SLC5A8: variants seen among roughly 807,000 people sequenced by gnomAD.
The protein encoded by SLC5A8 is sodium-coupled monocarboxylate transporter 1.
In SLC5A8, 55 loss-of-function variants were observed where a neutral mutation model predicts 71.9. That is an observed-to-expected ratio of 0.77 (90% CI 0.62 to 0.96). The LOEUF (loss-of-function observed/expected upper bound fraction) is 0.96, where lower values mean the gene tolerates loss of function less well. Ranked by LOEUF, SLC5A8 falls within the 40% of genes least tolerant of loss-of-function variation. The pLI is 0.00. For synonymous variants in SLC5A8, 307 were observed against 276.1 expected (o/e 1.11, Z -1.11); for missense variants, 701 against 745.3 (o/e 0.94, Z 0.69).
intron 5 of SLC5A8, among the ~76,000 whole-genome samples, chr12:101,192,918 G>A (rs1028419399): frequency 1.4e-4 from 21 of 150,194 alleles, no homozygotes. Flanking sequence ...TTTTTTTATG[G>A]CAGGTGCTAA....
chr12:101,206,974 A>T (rs781546359), intron 1 of SLC5A8, among the ~76,000 whole-genome samples: 2 of 152,258 alleles, frequency 1.3e-5, no homozygotes, highest in Non-Finnish European at 2.9e-5. Context: ...GAGAGATTTC[A>T]TACTTGAGCA....
At chr12:101,160,779 G>T (rs1374736878) in intron 13 of SLC5A8, among the ~76,000 whole-genome samples, 1 of 152,048 alleles carries the variant, frequency 6.6e-6, no homozygotes, top group Non-Finnish European at 1.5e-5. Context: ...TCACATAGTA[G>T]ACCTAAAAGA....
intron 5 of SLC5A8, 119 bp from the exon 6 acceptor site, chr12:101,190,727 T>C (rs936412757): frequency 2.9e-6 from 2 of 686,036 alleles, no homozygotes; most frequent in East Asian, 3.4e-5. Flanking sequence ...TACATAAATA[T>C]GTAAAAATTT....
chr12:101,173,844 G>A (rs1486819237), intron 10 of SLC5A8, among the ~76,000 whole-genome samples: 2 of 152,180 alleles, frequency 1.3e-5, no homozygotes, highest in Non-Finnish European at 2.9e-5. Context: ...TTGGGGGCAA[G>A]GAGCAACCCT....
At chr12:101,174,475 C>T (rs1482452248) in intron 10 of SLC5A8, among the ~76,000 whole-genome samples, 1 of 152,140 alleles carries the variant, frequency 6.6e-6, no homozygotes, top group Admixed American at 6.5e-5. Context: ...GGTCCTTCTC[C>T]CTTTCTTATA....
chr12:101,184,721 A>G (rs2137148201), intron 7 of SLC5A8, among the ~76,000 whole-genome samples: 1 of 152,328 alleles, frequency 6.6e-6, no homozygotes, highest in East Asian at 1.9e-4. Flanking sequence ...AACTTCAGTC[A>G]CTGCCCAGGA....
chr12:101,160,970 A>T (rs1209032868), intron 13 of SLC5A8, among the ~76,000 whole-genome samples: 1 of 152,176 alleles, frequency 6.6e-6, no homozygotes, highest in East Asian at 1.9e-4. Context: ...AAGGGCATGG[A>T]TCTTCAGATT....
At chr12:101,197,903 T>C (rs1332712165) in intron 3 of SLC5A8, among the ~76,000 whole-genome samples, 1 of 152,008 alleles carries the variant, frequency 6.6e-6, no homozygotes, top group Non-Finnish European at 1.5e-5. Context: ...TGAGAGCATA[T>C]GGAATGTTCA....
chr12:101,162,187 T>G (rs1262058311), intron 12 of SLC5A8, 110 bp from the exon 13 acceptor site: 6 of 705,264 alleles, frequency 8.5e-6, no homozygotes, highest in Non-Finnish European at 1.5e-5. Flanking sequence ...TAATAATGTT[T>G]TTAATGTCAT....
At chr12:101,160,473 G>A (rs941795493) in intron 13 of SLC5A8, among the ~76,000 whole-genome samples, 6 of 152,176 alleles carry the variant, frequency 3.9e-5, no homozygotes, top group Admixed American at 6.5e-5. Context: ...GTAGCATGGA[G>A]CAAACAAAGA....
Position 101,164,207 on chromosome 12 carries a change from C to G in SLC5A8, c.1527-2130G>C, listed in dbSNP as rs143424866. The stretch of plus-strand genomic sequence containing the variant: ...CCATAGAATGGGAGAGAAACATTTT[C>G]AAAACATATCTCATATCTAGAATAT... On this transcript the variant is annotated intron_variant, in intron 12 of 14. Coordinates refer to ENST00000536262, the MANE Select transcript of SLC5A8 (RefSeq NM_145913.5). Among the ~76,000 whole-genome samples the G allele has an allele frequency of 1.6e-4, 24 of 152,250 alleles. No homozygotes were observed. The East Asian group carries it at 4.0e-3, about 26-fold the overall frequency.
intron 10 of SLC5A8, among the ~76,000 whole-genome samples, chr12:101,174,580 A>T (rs2051861630): frequency 6.6e-6 from 1 of 152,202 alleles, no homozygotes; most frequent in Non-Finnish European, 1.5e-5. Flanking sequence ...AGGTTTATGA[A>T]AGCTGCATCT....
chr12:101,200,742 T>C lies in SLC5A8; in HGVS notation c.469+1422A>G, dbSNP rs562907503. ...ATAATCTATTAGAGGTAAGGGGGAG[T>C]GAATTAAAATGGACCATGAGTTGAT... On this transcript the variant is annotated intron_variant, in intron 3 of 14. Transcript: ENST00000536262. 5.9e-5 allele frequency among the ~76,000 whole-genome samples: 9 copies of C among 151,752 alleles called. No individual in the cohort carries two copies. In the East Asian group the frequency reaches 1.4e-3, roughly 23 times the overall value.
Position 101,210,190 on chromosome 12 carries a change from G to A in SLC5A8, c.-342C>T. ...GAGCAGATGAGAACTGGAGCCTCCA[G>A]CTGCTTCCAGCGAATCTACACAGGG... On this transcript the variant is annotated 5_prime_UTR_variant, in exon 1 of 15. Coordinates refer to ENST00000536262, the MANE Select transcript of SLC5A8 (RefSeq NM_145913.5). 1 of 287,572 alleles carries A rather than the reference G, an allele frequency of 3.5e-6. No homozygotes were observed. Among genetic ancestry groups the A allele is most frequent in the Non-Finnish European group, 6.4e-6 (1 of 156,396 alleles). The allele number at this position is 287,572 out of a possible 1,614,324, so 17.8% of individuals were successfully genotyped here.
intron 10 of SLC5A8, among the ~76,000 whole-genome samples, chr12:101,177,714 A>G (rs1478594664): frequency 6.6e-6 from 1 of 152,100 alleles, no homozygotes; most frequent in Non-Finnish European, 1.5e-5. Context: ...ATATAAATTG[A>G]TTACAGAAAA....
intron 10 of SLC5A8, among the ~76,000 whole-genome samples, chr12:101,173,859 C>T (rs1368043386): frequency 6.6e-6 from 1 of 152,182 alleles, no homozygotes; most frequent in Admixed American, 6.5e-5. Context: ...AACCCTCCCA[C>T]AGCAGGAGCC....
intron 13 of SLC5A8, among the ~76,000 whole-genome samples, chr12:101,158,723 T>A (rs2051698851): frequency 1.3e-5 from 2 of 148,584 alleles, no homozygotes; most frequent in Admixed American, 6.8e-5. Flanking sequence ...TCTGGCCCAA[T>A]GCTGGTAGGA....
chr12:101,196,224 C>T (rs750910680), intron 3 of SLC5A8, among the ~76,000 whole-genome samples: 3 of 152,140 alleles, frequency 2.0e-5, no homozygotes, highest in African/African-American at 4.8e-5. Context: ...CATGTAAACA[C>T]GCAATTTCAC....
In SLC5A8 at chr12:101,166,716, C is replaced by T. The variant is rs186997680; in HGVS notation, c.1321-17G>A. 3 of 1,560,636 alleles carry T rather than the reference C, an allele frequency of 1.9e-6. No homozygotes were observed. The highest frequency in any genetic ancestry group is 1.4e-5 in the African/African-American group (1 of 72,572). On this transcript the variant is annotated splice_polypyrimidine_tract_variant and intron_variant, in intron 11 of 14. Coordinates refer to ENST00000536262, the MANE Select transcript of SLC5A8 (RefSeq NM_145913.5). ...AAGTGCTCCCTGTAAAACAAGAATG[C>T]CTTTAAAAGAAAAATAATACAATTT...
Sources: allele counts gnomAD v4.1 joint callset (sites outside exome capture counted in the v4.1 genomes callset), GRCh38; gene constraint gnomAD v4.1.1; transcripts MANE v1.5; gene names NCBI Gene and HGNC (gene_info 2026-07-23, HGNC 2026-07-21).